Variants in EYA1 observed in about 807,000 individuals in gnomAD.
The protein encoded by EYA1 is protein phosphatase EYA1.
Under a neutral mutation model 82.0 loss-of-function variants are expected in EYA1, and 16 were observed. The ratio of observed to expected loss-of-function variants is 0.20; its 90% CI spans 0.13 to 0.30. The LOEUF (loss-of-function observed/expected upper bound fraction) is 0.30, where lower values mean the gene tolerates loss of function less well. Ranked by LOEUF, EYA1 falls within the 10% of genes least tolerant of loss-of-function variation. EYA1 has a pLI of 1.00. For synonymous variants in EYA1, 261 were observed against 264.4 expected, an observed-to-expected ratio of 0.99 and a Z score of 0.12; for missense variants, 633 against 730.7, an observed-to-expected ratio of 0.87 and a Z score of 1.54.
intron 2 of EYA1, among the ~76,000 whole-genome samples, chr8:71,478,876 C>T (rs1666122070): frequency 6.6e-6 from 1 of 152,070 alleles, no homozygotes; most frequent in Admixed American, 6.6e-5. Flanking sequence ...CATTTTTATC[C>T]ATCCATTCAA....
At chr8:71,316,717 GATC>G (rs2129023270) in intron 7 of EYA1, among the ~76,000 whole-genome samples, 2 of 152,276 alleles carry the variant, frequency 1.3e-5, no homozygotes, top group Non-Finnish European at 2.9e-5. Flanking sequence ...ATCAAAAAGA[GATC>G]ATCAGGGATT....
At chr8:71,325,174 T>C (rs1490300043) in intron 4 of EYA1, among the ~76,000 whole-genome samples, 1 of 152,220 alleles carries the variant, frequency 6.6e-6, no homozygotes, top group East Asian at 1.9e-4. Flanking sequence ...GAACTGCCCA[T>C]CCATGGCATG....
In EYA1 at chr8:71,251,295, C is replaced by T. The variant is rs150728397; in HGVS notation, c.1051-6603G>A. Among the ~76,000 whole-genome samples, 119 of 152,248 alleles carry T rather than the reference C, an allele frequency of 7.8e-4. 3 individuals are homozygous for T. The East Asian group carries it at 0.021, about 26-fold the overall frequency. ...AAAAAAATACAGTCAACTGTTTTATCAATTTTCTTGTTTAACGAAGAAATT... is the reference window on the plus strand; with the variant it reads ...AAAAAAATACAGTCAACTGTTTTATTAATTTTCTTGTTTAACGAAGAAATT... On this transcript the variant is annotated intron_variant, in intron 11 of 17. Transcript: ENST00000340726.
In EYA1 at chr8:71,470,594, C is replaced by T. The variant is rs1809115292; in HGVS notation, c.33+65150G>A. The stretch of plus-strand genomic sequence containing the variant: ...TTGAAGTATCTAGTCTGTAGGGGTC[C>T]TTCCATAACTAATGTGACAATTGAT... On this transcript the variant is annotated intron_variant, in intron 2 of 18. Transcript: ENST00000643681. 2.0e-5 allele frequency among the ~76,000 whole-genome samples: 3 copies of T among 152,002 alleles called. No homozygotes were observed. The South Asian group carries it at 6.2e-4, about 31-fold the overall frequency.
Position 71,441,717 on chromosome 8 carries a change from A to G in EYA1, c.34-85206T>C, listed in dbSNP as rs1052585084. On this transcript the variant is annotated intron_variant, in intron 2 of 18. Coordinates refer to the EYA1 transcript ENST00000643681. ...TGTTTTTAAATATTTAATGAGGTAT[A>G]ATAATATAGCTTTTATGGATTTAAT... Among the ~76,000 whole-genome samples, 10 of 152,300 alleles carry G rather than the reference A, an allele frequency of 6.6e-5. No individual in the cohort carries two copies. In the East Asian group the frequency reaches 1.3e-3, roughly 21 times the overall value.
At chr8:71,238,575 G>A (rs1812117432) in intron 12 of EYA1, among the ~76,000 whole-genome samples, 1 of 151,828 alleles carries the variant, frequency 6.6e-6, no homozygotes, top group Admixed American at 6.6e-5. Flanking sequence ...TTCCTTTTAT[G>A]ATATTTTTTG....
At chr8:71,516,917 C>T (rs555074563) in intron 2 of EYA1, among the ~76,000 whole-genome samples, 35 of 152,198 alleles carry the variant, frequency 2.3e-4, no homozygotes, top group Middle Eastern at 3.4e-3. Flanking sequence ...CTGGATTCCA[C>T]CCTTCACTGT....
chr8:71,458,435 T>C (rs1419194540), intron 2 of EYA1, among the ~76,000 whole-genome samples: 1 of 152,028 alleles, frequency 6.6e-6, no homozygotes, highest in Non-Finnish European at 1.5e-5. Context: ...TTTTAAGGAC[T>C]TCTTAGAGTT....
At chr8:71,545,656 G>A (rs575526160) in intron 1 of EYA1, among the ~76,000 whole-genome samples, 149 of 145,608 alleles carry the variant, frequency 1.0e-3, no homozygotes, top group African/African-American at 3.4e-3. Flanking sequence ...CTGCCTCCCC[G>A]GTTCACGCCA....
intron 2 of EYA1, among the ~76,000 whole-genome samples, chr8:71,525,012 A>G (rs1813703913): frequency 6.6e-6 from 1 of 152,208 alleles, no homozygotes. Flanking sequence ...ATGTTACTAC[A>G]TTGCTTACTA....
At chr8:71,394,908 T>C (rs1829499215) in intron 2 of EYA1, among the ~76,000 whole-genome samples, 1 of 152,224 alleles carries the variant, frequency 6.6e-6, no homozygotes, top group African/African-American at 2.4e-5. Context: ...ACGATATTGA[T>C]TCTTCCTATC....
At chr8:71,292,502 G>C (rs1819113018) in intron 9 of EYA1, among the ~76,000 whole-genome samples, 1 of 151,934 alleles carries the variant, frequency 6.6e-6, no homozygotes, top group Non-Finnish European at 1.5e-5. Context: ...TATAGAGAGT[G>C]AAATTTGAAT....
intron 2 of EYA1, among the ~76,000 whole-genome samples, chr8:71,436,067 A>C (rs1805988565): frequency 6.6e-6 from 1 of 152,194 alleles, no homozygotes; most frequent in Non-Finnish European, 1.5e-5. Flanking sequence ...ATTGTAGCAC[A>C]TGAACCTATA....
Position 71,434,942 on chromosome 8 carries a change from C to T in EYA1, c.34-78431G>A, listed in dbSNP as rs149840209. ...ACTCACAGACATATATATGTGCATA[C>T]ACACATATACTATGCATACATATGT... On this transcript the variant is annotated intron_variant, in intron 2 of 18. Transcript: ENST00000643681. Among the ~76,000 whole-genome samples, 1,160 of 152,108 alleles carry T rather than the reference C, an allele frequency of 7.6e-3. 19 individuals carry two copies. Among genetic ancestry groups the T allele is most frequent in the African/African-American group, 0.027 (1,127 of 41,472 alleles).
intron 2 of EYA1, among the ~76,000 whole-genome samples, chr8:71,412,426 TAAAAA>T (rs71264554): frequency 1.3e-4 from 14 of 107,504 alleles, no homozygotes; most frequent in East Asian, 7.7e-4. Context: ...TAAAATAAAA[TAAAAA>T]AAAGAAATTG....
intron 7 of EYA1, among the ~76,000 whole-genome samples, chr8:71,301,887 C>G (rs970858572): frequency 6.6e-6 from 1 of 152,042 alleles, no homozygotes; most frequent in Non-Finnish European, 1.5e-5. Context: ...TCAGACCTCA[C>G]AGGGCTTATC....
chr8:71,293,454 A>C (rs1363250247), intron 9 of EYA1, among the ~76,000 whole-genome samples: 1 of 152,196 alleles, frequency 6.6e-6, no homozygotes, highest in Non-Finnish European at 1.5e-5. Flanking sequence ...CATTACCCTA[A>C]TACTGAAATG....
At chr8:71,389,700 G>A (rs1271839428) in intron 2 of EYA1, among the ~76,000 whole-genome samples, 1 of 152,160 alleles carries the variant, frequency 6.6e-6, no homozygotes, top group Admixed American at 6.5e-5. Flanking sequence ...ACAGATACAT[G>A]TTAAAAATCT....
At position 71,272,662 on chromosome 8, in the gene EYA1, C is replaced by T. The variant is rs117254245; in HGVS notation, c.827-765G>A. 3.7e-3 allele frequency among the ~76,000 whole-genome samples: 565 copies of T among 152,248 alleles called. 2 individuals are homozygous for T. Among genetic ancestry groups the T allele is most frequent in the Non-Finnish European group, 6.3e-3 (431 of 68,012 alleles). Reference sequence around the variant, plus strand: ...GAAGAGTCGGGCAGTGATTGTGGAGCGAGGGAAGATGCTTATCTTGTGTTC... The same window carrying T: ...GAAGAGTCGGGCAGTGATTGTGGAGTGAGGGAAGATGCTTATCTTGTGTTC... On this transcript the variant is annotated intron_variant, in intron 9 of 17. Coordinates refer to ENST00000340726, the MANE Select transcript of EYA1 (RefSeq NM_000503.6).
Sources: gnomAD v4.1 joint callset for allele counts (sites outside exome capture counted in the v4.1 genomes callset) on GRCh38, gnomAD v4.1.1 for gene constraint, MANE v1.5 for transcripts, NCBI Gene and HGNC (gene_info 2026-07-23, HGNC 2026-07-21) for gene names.